The following SLC25A23 variants were observed in gnomAD, a reference collection of about 807,000 sequenced individuals.
SLC25A23 encodes the protein mitochondrial adenyl nucleotide antiporter SLC25A23.
Under a neutral mutation model 53.9 loss-of-function variants are expected in SLC25A23, and 32 were observed. The observed-to-expected ratio is 0.59, with a 90% confidence interval of 0.45 to 0.80. The LOEUF (loss-of-function observed/expected upper bound fraction) is 0.80. Ranked by LOEUF, SLC25A23 falls within the 30% of genes least tolerant of loss-of-function variation. SLC25A23 has a pLI of 0.00. For missense variants in SLC25A23, 575 were observed against 651.4 expected, an observed-to-expected ratio of 0.88 and a Z score of 1.28; for synonymous variants, 275 against 264.5, an observed-to-expected ratio of 1.04 and a Z score of -0.38.
chr19:6,436,810 A>G (rs1354355319), downstream of SLC25A23, among the ~76,000 whole-genome samples: 1 of 149,520 alleles, frequency 6.7e-6, no homozygotes, highest in African/African-American at 2.5e-5. Flanking sequence ...GGCCTCCCAA[A>G]ATGCTAGGAT....
rs1253933543 is a variant in SLC25A23 at position 6,456,348 on chromosome 19, G to A, written c.483+72C>T. ...CCTGGTCCAGCCCATCCAAGCCCTG[G>A]GGAGATCGGAGCAAGGCCCCCCTGG... On this transcript the variant is annotated intron_variant, in intron 4 of 9. Transcript: ENST00000301454. 4.1e-6 allele frequency: 6 copies of A among 1,458,832 alleles called. No individual in the cohort carries two copies. In the African/African-American group the frequency reaches 8.4e-5, roughly 20 times the overall value. The allele number at this position is 1,458,832 out of a possible 1,614,324, so 90.4% of individuals were successfully genotyped here. A position where few individuals can be genotyped will look rare whatever the true frequency, so the allele number is the denominator to read the frequency against.
Position 6,441,919 on chromosome 19 carries a change from T to A in SLC25A23, c.*56A>T, listed in dbSNP as rs1205481574. 6 of 1,524,582 alleles carry A rather than the reference T, an allele frequency of 3.9e-6. No individual in the cohort carries two copies. The East Asian group carries it at 1.4e-4, about 34-fold the overall frequency. The allele number at this position is 1,524,582 out of a possible 1,614,324, so 94.4% of individuals were successfully genotyped here. A position where few individuals can be genotyped will look rare whatever the true frequency, so the allele number is the denominator to read the frequency against. On this transcript the variant is annotated 3_prime_UTR_variant, in exon 10 of 10. Transcript: ENST00000301454. The stretch of plus-strand genomic sequence containing the variant: ...AGGGATCCTGTGGTTGGATCATCAG[T>A]CTCCAGTGGCTGAGGTGTGGGGGGT...
rs769843652 is a variant in SLC25A23, at chr19:6,442,064, G to T, written c.1318C>A (p.Pro440Thr). The change falls in exon 10 of 10, where the codon CCC becomes ACC. Residue 440 changes from proline (P) to threonine (T), a missense_variant. Pro to Thr is a conservative substitution (Grantham distance 38). Coordinates refer to ENST00000301454, the MANE Select transcript of SLC25A23 (RefSeq NM_024103.3). The part of the protein sequence containing the change: ...GMRGLYRGIA[P>T]NFMKVIPAVS... Reference sequence around the variant, plus strand: ...GCTGGAATAACCTTCATGAAGTTGGGGGCGATCCCCCGGTAGAGGCCCCGC... The same window carrying T: ...GCTGGAATAACCTTCATGAAGTTGGTGGCGATCCCCCGGTAGAGGCCCCGC... The T allele has an allele frequency of 1.9e-6, 3 of 1,613,660 alleles. No individual in the cohort carries two copies. The highest frequency in any genetic ancestry group is 2.5e-6 in the Non-Finnish European group (3 of 1,179,794).
rs34113509 is a variant in SLC25A23, at chr19:6,453,239, G to GTTT, written c.903+739_903+741dup. Among the ~76,000 whole-genome samples, 883 of 124,984 alleles carry GTTT rather than the reference G, an allele frequency of 7.1e-3. 28 individuals carry two copies. Among genetic ancestry groups the GTTT allele is most frequent in the Middle Eastern group, 0.013 (3 of 234 alleles). The allele number at this position is 124,984 out of a possible 152,430, so 82.0% of individuals were successfully genotyped here. On this transcript the variant is annotated intron_variant, in intron 7 of 9. Transcript: ENST00000301454. ...TGTAGACTTTGTTGATGTGATTGAA[G>GTTT]TTTTTTTTTTTTTTTTTTTGAGCTG...
intron 7 of SLC25A23, among the ~76,000 whole-genome samples, chr19:6,453,239 G>GTTTTTTT (rs34113509): frequency 1.6e-5 from 2 of 125,018 alleles, no homozygotes; most frequent in Non-Finnish European, 3.2e-5. Flanking sequence ...TGTGATTGAA[G>GTTTTTTT]TTTTTTTTTT....
In SLC25A23 at chr19:6,442,081, A is replaced by G; in HGVS notation, c.1301T>C (p.Leu434Pro). The G allele has an allele frequency of 1.2e-6, 2 of 1,609,326 alleles. No homozygotes were observed. The highest frequency in any genetic ancestry group is 1.7e-6 in the Non-Finnish European group (2 of 1,178,274). Residue 434 changes from leucine (L) to proline (P), a missense_variant, in exon 10 of 10, where the codon CTC (leucine) becomes CCC (proline). Coordinates refer to ENST00000301454, the MANE Select transcript of SLC25A23 (RefSeq NM_024103.3). ...GAAGTTGGGGGCGATCCCCCGGTAG[A>G]GGCCCCGCATGCCCTCCTGGGACAG... ...HILSQEGMRG[L>P]YRGIAPNFMK...
At chr19:6,455,450 C>A (rs1335395477) in intron 4 of SLC25A23, among the ~76,000 whole-genome samples, 1 of 152,054 alleles carries the variant, frequency 6.6e-6, no homozygotes, top group Non-Finnish European at 1.5e-5. Context: ...TCACAGGGAT[C>A]TCCTCCACAT....
intron 4 of SLC25A23, among the ~76,000 whole-genome samples, chr19:6,455,026 C>T (rs1260912771): frequency 2.0e-5 from 3 of 152,192 alleles, no homozygotes; most frequent in Non-Finnish European, 4.4e-5. Flanking sequence ...TGATGCCTCA[C>T]ATCTGTAGTC....
chr19:6,454,116 A>T lies in SLC25A23; in HGVS notation c.796-28T>A, dbSNP rs1259654838. On this transcript the variant is annotated intron_variant, in intron 6 of 9. Coordinates refer to ENST00000301454, the MANE Select transcript of SLC25A23 (RefSeq NM_024103.3). The surrounding 1 kb of genome is among the most constrained non-coding windows in gnomAD (Gnocchi z 4.3). Reference sequence around the variant, plus strand: ...GAGGCGGGGAGACACAGGGATGGGTAGGACCATGGGGGTTGAACCTTCCTT... The same window carrying T: ...GAGGCGGGGAGACACAGGGATGGGTTGGACCATGGGGGTTGAACCTTCCTT... 2 of 1,599,258 alleles carry T rather than the reference A, an allele frequency of 1.3e-6. No homozygotes were observed.
At position 6,454,810 on chromosome 19, in the gene SLC25A23, G is replaced by A. The variant is rs994244300; in HGVS notation, c.484-93C>T. The A allele has an allele frequency of 1.4e-6, 2 of 1,459,092 alleles. No individual in the cohort carries two copies. The highest frequency in any genetic ancestry group is 2.6e-5 in the South Asian group (2 of 78,012). 90.4% of individuals were successfully genotyped at this position (1,459,092 alleles called of 1,614,324 possible). ...AGGGGAGTCTCCTCTATGAATCCTA[G>A]GATACCCTAGAGTCTGCCAATGACT... is the stretch of plus-strand genomic sequence containing the variant. On this transcript the variant is annotated intron_variant, in intron 4 of 9. Coordinates refer to ENST00000301454, the MANE Select transcript of SLC25A23 (RefSeq NM_024103.3). This position sits in a 1 kb window ranked among gnomAD's most constrained non-coding sequence, Gnocchi z 4.3.
chr19:6,439,901 C>T (rs1284271110), downstream of SLC25A23, among the ~76,000 whole-genome samples: 6 of 152,048 alleles, frequency 3.9e-5, no homozygotes, highest in East Asian at 1.2e-3. Context: ...GGACTCCCTC[C>T]CCTGCTCCCA....
In SLC25A23 at chr19:6,459,214, T is replaced by A. The variant is rs2092724621; in HGVS notation, c.156+259A>T. ...TGGGCAGGAAAGCGCCCCCATCTCT[T>A]CCCAGGCAGACGCCCCCTGCCCCGC... On this transcript the variant is annotated intron_variant, in intron 1 of 9. Transcript: ENST00000301454. This position sits in a 1 kb window ranked among gnomAD's most constrained non-coding sequence, Gnocchi z 4.6. 6.6e-6 allele frequency among the ~76,000 whole-genome samples: 1 copy of A among 152,008 alleles called. No homozygotes were observed.
At chr19:6,436,264 C>A (rs1201187480), downstream of SLC25A23, 2 of 347,794 alleles carry the variant, frequency 5.8e-6, no homozygotes, top group Non-Finnish European at 1.2e-5. Flanking sequence ...GTCTAAGATT[C>A]AGGATTCAGG....
intron 8 of SLC25A23, among the ~76,000 whole-genome samples, chr19:6,448,609 T>A (rs1348948950): frequency 6.6e-6 from 1 of 151,708 alleles, no homozygotes; most frequent in African/African-American, 2.4e-5. Flanking sequence ...TAGCTGGGAT[T>A]ACAGGTGCCC....
chr19:6,445,691 G>T (rs1416892715), intron 8 of SLC25A23, among the ~76,000 whole-genome samples: 1 of 152,112 alleles, frequency 6.6e-6, no homozygotes, highest in Non-Finnish European at 1.5e-5. Context: ...CATTCGTGTT[G>T]TTCTAAGACA....
Position 6,456,507 on chromosome 19 carries a change from G to T in SLC25A23, c.396C>A (p.Thr132=). The change falls in exon 4 of 10, where the codon ACC becomes ACA. Residue 132 remains threonine (T), a synonymous_variant. Coordinates refer to ENST00000301454, the MANE Select transcript of SLC25A23 (RefSeq NM_024103.3). ...GGTCGCGCCATTCTTGCCAGTCAAT[G>T]GTCATTGTGCCGTCTCGGTCCATGC... The part of the protein sequence containing the change: ...LHSMDRDGTM[T]IDWQEWRDHF... 6.2e-7 allele frequency: 1 copy of T among 1,613,776 alleles called. No homozygotes were observed. The highest frequency in any genetic ancestry group is 1.1e-5 in the South Asian group (1 of 91,064).
At chr19:6,457,408 C>T (rs1416442891) in intron 3 of SLC25A23, 95 bp downstream of exon 3, 1 of 1,129,370 alleles carries the variant, frequency 8.9e-7, no homozygotes, top group Non-Finnish European at 1.3e-6. Flanking sequence ...CAGCTGTATC[C>T]TCCTTGGGAC....
At chr19:6,444,108 G>T in intron 9 of SLC25A23, 43 bp downstream of exon 9, 1 of 1,486,790 alleles carries the variant, frequency 6.7e-7, no homozygotes, top group Non-Finnish European at 9.0e-7. Flanking sequence ...TGGGGCCCAA[G>T]CGATGAGACT....
At chr19:6,446,055 T>C (rs556135144) in intron 8 of SLC25A23, among the ~76,000 whole-genome samples, 52 of 131,988 alleles carry the variant, frequency 3.9e-4, no homozygotes, top group African/African-American at 1.5e-3. Context: ...GCGACAAGAG[T>C]GAGACTCAGT....
Sources: gnomAD v4.1 joint callset for allele counts (sites outside exome capture counted in the v4.1 genomes callset) on GRCh38, gnomAD v4.1.1 for gene constraint, Gnocchi (gnomAD v3.1) non-coding constraint, MANE v1.5 for transcripts, NCBI Gene and HGNC (gene_info 2026-07-23, HGNC 2026-07-21) for gene names.